Variants in ANKMY2 observed in about 807,000 individuals in gnomAD.
The protein encoded by ANKMY2 is ankyrin repeat and MYND domain containing 2.
In ANKMY2, 36 loss-of-function variants were observed where a neutral mutation model predicts 50.4. That is an observed-to-expected ratio of 0.71 (90% CI 0.55 to 0.94). ANKMY2 has a LOEUF of 0.94. Ranked by LOEUF, ANKMY2 falls within the 40% of genes least tolerant of loss-of-function variation. ANKMY2 has a pLI of 0.00. For synonymous variants in ANKMY2, 187 were observed against 178.8 expected (o/e 1.05, Z -0.36); for missense variants, 565 against 524.0 (o/e 1.08, Z -0.76).
intron 5 of ANKMY2, 80 bp from the exon 6 acceptor site, chr7:16,610,843 T>G: frequency 8.0e-7 from 1 of 1,254,308 alleles, no homozygotes. Context: ...TTAGTTGATT[T>G]CAAAAGATTA....
At position 16,629,256 on chromosome 7, in the gene ANKMY2, C is replaced by T. The variant is rs151040031; in HGVS notation, c.133-2078G>A. ...TTCTTTCCAGAAAGGTAAGTATCGG[C>T]CAGGCACAGTGGCTCACGCCTGTAA... On this transcript the variant is annotated intron_variant, in intron 2 of 9. Coordinates refer to ENST00000306999, the MANE Select transcript of ANKMY2 (RefSeq NM_020319.3). Among the ~76,000 whole-genome samples, 4 of 152,342 alleles carry T rather than the reference C, an allele frequency of 2.6e-5. No homozygotes were observed. The East Asian group carries it at 7.7e-4, about 29-fold the overall frequency.
chr7:16,624,291 C>T (rs1405057522), intron 4 of ANKMY2, among the ~76,000 whole-genome samples: 1 of 152,180 alleles, frequency 6.6e-6, no homozygotes, highest in Non-Finnish European at 1.5e-5. Context: ...ACTCTCTTCA[C>T]CACCAATTCA....
Position 16,610,657 on chromosome 7 carries a change from T to A in ANKMY2, c.638A>T (p.Asp213Val), listed in dbSNP as rs1781233906. ...CTTCATAGCCAATACTTCATTCATG[T>A]CTCTTTGCTTCATACATTTCTCACA... The part of the protein sequence containing the change: ...LICEKCMKQR[D>V]MNEVLAMKMH... The change falls in exon 6 of 10, where the codon GAC (aspartate) becomes GTC (valine). Residue 213 changes from aspartate to valine, a missense_variant. Coordinates refer to ENST00000306999, the MANE Select transcript of ANKMY2 (RefSeq NM_020319.3). 11 of 1,613,892 alleles carry A rather than the reference T, an allele frequency of 6.8e-6. No homozygotes were observed. Among genetic ancestry groups the A allele is most frequent in the Non-Finnish European group, 7.6e-6 (9 of 1,179,924 alleles).
Position 16,602,499 on chromosome 7 carries a change from C to T in ANKMY2, c.1022G>A (p.Cys341Tyr), listed in dbSNP as rs769928784. The part of the protein sequence containing the change: ...RCSVCKMVIY[C>Y]DQTCQKTHWF... ...GTGTGTTTTCTGGCAGGTTTGATCACAATATATTACCTGAAAGCAATTGTT... is the reference window on the plus strand; with the variant it reads ...GTGTGTTTTCTGGCAGGTTTGATCATAATATATTACCTGAAAGCAATTGTT... The change falls in exon 9 of 10, where the codon TGT (cysteine) becomes TAT (tyrosine). Residue 341 changes from cysteine (C) to tyrosine (Y), a missense_variant. Transcript: ENST00000306999. The T allele has an allele frequency of 5.6e-6, 9 of 1,612,172 alleles. No homozygotes were observed. The highest frequency in any genetic ancestry group is 6.8e-6 in the Non-Finnish European group (8 of 1,179,622).
intron 3 of ANKMY2, among the ~76,000 whole-genome samples, chr7:16,626,822 G>C (rs1781513130): frequency 6.6e-6 from 1 of 152,072 alleles, no homozygotes; most frequent in Non-Finnish European, 1.5e-5. Context: ...TCCACATAAA[G>C]AATCAATTGA....
chr7:16,625,746 T>G (rs1409590047), intron 3 of ANKMY2, among the ~76,000 whole-genome samples: 2 of 152,192 alleles, frequency 1.3e-5, no homozygotes, highest in Non-Finnish European at 2.9e-5. Flanking sequence ...TCCAGCAAGG[T>G]TGGACTGACA....
At chr7:16,602,098 T>C (rs1445934952) in intron 9 of ANKMY2, among the ~76,000 whole-genome samples, 1 of 152,196 alleles carries the variant, frequency 6.6e-6, no homozygotes, top group Non-Finnish European at 1.5e-5. Flanking sequence ...TAATACCCAT[T>C]AAGGGTCCCA....
chr7:16,609,653 G>T lies in ANKMY2; in HGVS notation c.859C>A (p.Arg287=). 1 of 1,609,350 alleles carries T rather than the reference G, an allele frequency of 6.2e-7. No homozygotes were observed. The highest frequency in any genetic ancestry group is 1.3e-5 in the African/African-American group (1 of 74,598). The change falls in exon 7 of 10, where the codon CGA becomes AGA. Residue 287 remains arginine (R), a synonymous_variant. Coordinates refer to ENST00000306999, the MANE Select transcript of ANKMY2 (RefSeq NM_020319.3). Reference sequence around the variant, plus strand: ...ACAATTTCAACAGGAGCAATGCTTCGAACCAGCTGCTGGAGGAGTGTAGCT... The same window carrying T: ...ACAATTTCAACAGGAGCAATGCTTCTAACCAGCTGCTGGAGGAGTGTAGCT... The part of the protein sequence containing the change: ...CEATLLQQLV[R]SIAPVEIGSD...
At chr7:16,625,512 T>A (rs1481587197) in intron 3 of ANKMY2, among the ~76,000 whole-genome samples, 1 of 152,220 alleles carries the variant, frequency 6.6e-6, no homozygotes. Flanking sequence ...TGGGCATCTA[T>A]CTTTCTACAC....
At chr7:16,602,611 AT>A in intron 8 of ANKMY2, 102 bp from the exon 9 acceptor site, 1 of 1,395,028 alleles carries the variant, frequency 7.2e-7, no homozygotes, top group Non-Finnish European at 9.7e-7. Flanking sequence ...GTCATTTTCC[AT>A]ACTTTATTTT....
chr7:16,601,171 C>T (rs1781054512), intron 9 of ANKMY2, among the ~76,000 whole-genome samples: 1 of 152,218 alleles, frequency 6.6e-6, no homozygotes, highest in African/African-American at 2.4e-5. Context: ...CATTTGAACT[C>T]AGGCCGCTGG....
chr7:16,643,911 G>A (rs879541838), intron 1 of ANKMY2, among the ~76,000 whole-genome samples: 77 of 149,150 alleles, frequency 5.2e-4, no homozygotes, highest in Non-Finnish European at 9.7e-4. Context: ...ATGGTGGCTC[G>A]CACCTGTAGT....
intron 5 of ANKMY2, among the ~76,000 whole-genome samples, chr7:16,612,763 A>G (rs1048572207): frequency 6.6e-6 from 1 of 152,218 alleles, no homozygotes; most frequent in African/African-American, 2.4e-5. Context: ...AAACAACTAC[A>G]TAGCTGCACA....
chr7:16,633,955 T>C (rs1315507623), intron 2 of ANKMY2, among the ~76,000 whole-genome samples: 2 of 152,166 alleles, frequency 1.3e-5, no homozygotes, highest in African/African-American at 4.8e-5. Context: ...GGTGTATTAT[T>C]AATTTAATAT....
chr7:16,604,713 A>C lies in ANKMY2; in HGVS notation c.1011+8T>G. On this transcript the variant is annotated splice_region_variant and intron_variant, in intron 8 of 9. Coordinates refer to ENST00000306999, the MANE Select transcript of ANKMY2 (RefSeq NM_020319.3). ...AGGTCAATGAAATAAAAAGAACTCCATTCTTACCATTTTGCAAACTGAACA... is the reference window on the plus strand; with the variant it reads ...AGGTCAATGAAATAAAAAGAACTCCCTTCTTACCATTTTGCAAACTGAACA... 1 of 1,613,404 alleles carries C rather than the reference A, an allele frequency of 6.2e-7. No homozygotes were observed. Among genetic ancestry groups the C allele is most frequent in the Non-Finnish European group, 8.5e-7 (1 of 1,179,562 alleles).
At chr7:16,614,130 G>A (rs1781303045) in intron 5 of ANKMY2, among the ~76,000 whole-genome samples, 1 of 152,184 alleles carries the variant, frequency 6.6e-6, no homozygotes, top group South Asian at 2.1e-4. Context: ...TACCCTGACA[G>A]AAACCTGTCT....
chr7:16,640,153 C>A (rs1382829558), intron 1 of ANKMY2, among the ~76,000 whole-genome samples: 1 of 151,700 alleles, frequency 6.6e-6, no homozygotes. Context: ...GCGACAAGAG[C>A]GAGACTCTGT....
At chr7:16,614,094 C>T (rs1583671792) in intron 5 of ANKMY2, among the ~76,000 whole-genome samples, 2 of 152,234 alleles carry the variant, frequency 1.3e-5, no homozygotes, top group East Asian at 3.9e-4. Flanking sequence ...CAGAACCACA[C>T]ACATTCTCTA....
chr7:16,644,474 G>A (rs3807504), intron 1 of ANKMY2, among the ~76,000 whole-genome samples: 8,384 of 152,214 alleles, frequency 0.055, 418 homozygotes, highest in East Asian at 0.23. Flanking sequence ...TTATTCTCTA[G>A]GATTCCACAT....
Sources: allele counts gnomAD v4.1 joint callset (sites outside exome capture counted in the v4.1 genomes callset), GRCh38; gene constraint gnomAD v4.1.1; transcripts MANE v1.5; gene names NCBI Gene and HGNC (gene_info 2026-07-23, HGNC 2026-07-21).